The following GDPGP1 variants were observed in gnomAD, a reference collection of about 807,000 sequenced individuals.
GDPGP1 encodes the protein GDP-D-glucose phosphorylase 1, also known as GDP-D-glucose phosphorylase C15orf58.
Under a neutral mutation model 19.2 loss-of-function variants are expected in GDPGP1, and 18 were observed. That is an observed-to-expected ratio of 0.94 (90% CI 0.65 to 1.39). The LOEUF (loss-of-function observed/expected upper bound fraction) is 1.39. Ranked by LOEUF, GDPGP1 falls within the 40% of genes most tolerant of loss-of-function variation. The pLI, the probability that GDPGP1 is intolerant of heterozygous loss-of-function variation, is 0.00. For missense variants in GDPGP1, 449 were observed against 490.5 expected (o/e 0.92, Z 0.80); for synonymous variants, 219 against 208.9 (o/e 1.05, Z -0.42).
At position 90,241,704 on chromosome 15, in the gene GDPGP1, T is replaced by A; in HGVS notation, c.796T>A (p.Leu266Met). 1 of 1,614,246 alleles carries A rather than the reference T, an allele frequency of 6.2e-7. No individual in the cohort carries two copies. The highest frequency in any genetic ancestry group is 1.3e-5 in the African/African-American group (1 of 75,068). The change falls in exon 4 of 4, where the codon TTG becomes ATG. Residue 266 changes from leucine (L) to methionine (M), a missense_variant. Coordinates refer to ENST00000329600, the MANE Select transcript of GDPGP1 (RefSeq NM_001013657.3). ...TTACACTCGTGGGCCAGGGCCTGACTTGGAGTCCTTGATAAGCAGGGTATG... is the reference window on the plus strand; with the variant it reads ...TTACACTCGTGGGCCAGGGCCTGACATGGAGTCCTTGATAAGCAGGGTATG... ...LFYTRGPGPD[L>M]ESLISRVCRA...
At chr15:90,237,883 C>T (rs1362119760) in intron 2 of GDPGP1, among the ~76,000 whole-genome samples, 3 of 152,072 alleles carry the variant, frequency 2.0e-5, no homozygotes, top group Non-Finnish European at 4.4e-5. Flanking sequence ...GTCTGGGAGG[C>T]AGACATTGCA....
chr15:90,242,134 C>T lies in GDPGP1; in HGVS notation c.*68C>T. On this transcript the variant is annotated 3_prime_UTR_variant, in exon 4 of 4. Coordinates refer to ENST00000329600, the MANE Select transcript of GDPGP1 (RefSeq NM_001013657.3). ...GATAGGGTCTCACTCTGTCCCCAGG[C>T]TAGAGTGTAGTGGTATGATCCTGGC... 7.6e-7 allele frequency: 1 copy of T among 1,313,234 alleles called. No individual in the cohort carries two copies. Among genetic ancestry groups the T allele is most frequent in the Non-Finnish European group, 1.0e-6 (1 of 956,886 alleles). 81.3% of individuals were successfully genotyped at this position (1,313,234 alleles called of 1,614,324 possible). A position where few individuals can be genotyped will look rare whatever the true frequency, so the allele number is the denominator to read the frequency against.
Position 90,241,407 on chromosome 15 carries a change from G to A in GDPGP1, c.499G>A (p.Val167Met), listed in dbSNP as rs139186837. The change falls in exon 4 of 4, where the codon GTG becomes ATG. Residue 167 changes from valine (V) to methionine (M), a missense_variant. Coordinates refer to ENST00000329600, the MANE Select transcript of GDPGP1 (RefSeq NM_001013657.3). ...INVSPLEWGH[V>M]LLVPEPARQL... is the part of the protein sequence containing the mutation. ...CGTCAGCCCCCTGGAGTGGGGCCAC[G>A]TGCTGCTGGTGCCTGAGCCTGCCCG... is the stretch of plus-strand genomic sequence containing the variant. The A allele has an allele frequency of 1.1e-4, 173 of 1,613,666 alleles. 1 individual carries two copies. The East Asian group carries it at 1.6e-3, about 15-fold the overall frequency.
chr15:90,236,439 T>C (rs1041866863), intron 2 of GDPGP1, among the ~76,000 whole-genome samples: 4 of 152,256 alleles, frequency 2.6e-5, no homozygotes, highest in African/African-American at 7.2e-5. Context: ...GAACCCTTCA[T>C]GGAACAACCT....
intron 2 of GDPGP1, among the ~76,000 whole-genome samples, chr15:90,237,254 C>T (rs549731687): frequency 1.0e-4 from 15 of 149,668 alleles, no homozygotes; most frequent in Middle Eastern, 3.5e-3. Flanking sequence ...CCACCGTGCC[C>T]GGACTTTATT....
chr15:90,236,238 A>T (rs1962634642), intron 2 of GDPGP1: 1 of 152,094 alleles, frequency 6.6e-6, no homozygotes, highest in Non-Finnish European at 1.5e-5. Flanking sequence ...GGGTTTCTCC[A>T]TGTTGGTCAG....
rs751187028 is a variant in GDPGP1 at position 90,245,588 on chromosome 15, T to C, written c.*3522T>C. The C allele has an allele frequency of 3.3e-5, 5 of 152,204 alleles. No individual in the cohort carries two copies. The highest frequency in any genetic ancestry group is 1.2e-4 in the African/African-American group (5 of 41,464). 9.4% of individuals were successfully genotyped at this position (152,204 alleles called of 1,614,324 possible). ...TTAATACTTTTTGCAAGCTTTTGCA[T>C]GCATAAGCTCCAGTATCACACTTAA... On this transcript the variant is annotated 3_prime_UTR_variant, in exon 4 of 4. Transcript: ENST00000329600.
chr15:90,237,753 A>T (rs1226386345), intron 2 of GDPGP1, among the ~76,000 whole-genome samples: 1 of 150,954 alleles, frequency 6.6e-6, no homozygotes, highest in Admixed American at 6.6e-5. Context: ...CTCATTTTAA[A>T]TTTTTTCGCC....
intron 3 of GDPGP1, among the ~76,000 whole-genome samples, chr15:90,240,575 G>A (rs1350134908): frequency 1.3e-5 from 2 of 151,476 alleles, no homozygotes; most frequent in Non-Finnish European, 2.9e-5. Context: ...CACTTTGGGA[G>A]GCCAAGGCAA....
rs375372924 is a variant in GDPGP1 at position 90,241,213 on chromosome 15, G to C, written c.305G>C (p.Arg102Pro). The C allele has an allele frequency of 2.3e-5, 37 of 1,614,148 alleles. No homozygotes were observed. In the African/African-American group the frequency reaches 4.3e-4, roughly 19 times the overall value. The change falls in exon 4 of 4, where the codon CGT becomes CCT. Residue 102 changes from arginine to proline, a missense_variant. Transcript: ENST00000329600. ...TTCGTGGCTCAGCTGAATGTGGAGC[G>C]TGGTGTGCAGAGGAGGCCCCCGCAG... The part of the protein sequence containing the change: ...VGFVAQLNVE[R>P]GVQRRPPQTI...
rs1962734311 is a variant in GDPGP1 at position 90,240,755 on chromosome 15, G to A, written c.-9-145G>A. The A allele has an allele frequency of 5.0e-6, 3 of 601,126 alleles. No individual in the cohort carries two copies. In the Admixed American group the frequency reaches 9.3e-5, roughly 19 times the overall value. 37.2% of individuals were successfully genotyped at this position (601,126 alleles called of 1,614,324 possible). On this transcript the variant is annotated intron_variant, in intron 3 of 3. Transcript: ENST00000329600. ...TTGAACCCAGGAGGCGGAGGTTACA[G>A]TGAACCAAGATCACTGCCACTGCAC...
At chr15:90,236,934 C>T (rs778112070) in intron 2 of GDPGP1, among the ~76,000 whole-genome samples, 14 of 151,748 alleles carry the variant, frequency 9.2e-5, no homozygotes, top group South Asian at 2.1e-4. Flanking sequence ...GTGATAAAAC[C>T]GAGCTGCTGA....
chr15:90,242,000 G>GC lies in GDPGP1; in HGVS notation c.1097dup (p.Ser367IlefsTer36). The GC allele has an allele frequency of 6.2e-7, 1 of 1,614,140 alleles. No homozygotes were observed. The highest frequency in any genetic ancestry group is 8.5e-7 in the Non-Finnish European group (1 of 1,180,010). On this transcript the variant is annotated frameshift_variant, in exon 4 of 4. Coordinates refer to ENST00000329600, the MANE Select transcript of GDPGP1 (RefSeq NM_001013657.3). LOFTEE classifies it high-confidence loss of function. ...TGGCCCTCATTCAGGACTGTCGGCT[G>GC]CCCCCATCCCAGGCAGAAGACGTAC...
intron 2 of GDPGP1, among the ~76,000 whole-genome samples, chr15:90,237,202 A>T (rs1332540671): frequency 6.7e-6 from 1 of 149,080 alleles, no homozygotes; most frequent in Non-Finnish European, 1.5e-5. Context: ...CTCGTGATCC[A>T]CCCACCTTGG....
intron 3 of GDPGP1, 47 bp from the exon 4 acceptor site, chr15:90,240,853 G>C (rs1962737337): frequency 1.8e-6 from 2 of 1,134,124 alleles, no homozygotes; most frequent in Admixed American, 4.1e-5. Context: ...GACAATCTCT[G>C]GAGGTGGGTT....
Position 90,241,191 on chromosome 15 carries a change from G to C in GDPGP1, c.283G>C (p.Val95Leu). The C allele has an allele frequency of 6.2e-7, 1 of 1,614,138 alleles. No individual in the cohort carries two copies. Among genetic ancestry groups the C allele is most frequent in the Non-Finnish European group, 8.5e-7 (1 of 1,180,038 alleles). Residue 95 changes from valine to leucine, a missense_variant, in exon 4 of 4, where the codon GTG becomes CTG. Physicochemically the swap from Val to Leu is conservative, Grantham distance 32. Transcript: ENST00000329600. ...TQILPGAVGF[V>L]AQLNVERGVQ... ...AATCCTCCCTGGTGCTGTGGGTTTCGTGGCTCAGCTGAATGTGGAGCGTGG... is the reference window on the plus strand; with the variant it reads ...AATCCTCCCTGGTGCTGTGGGTTTCCTGGCTCAGCTGAATGTGGAGCGTGG...
intron 2 of GDPGP1, among the ~76,000 whole-genome samples, chr15:90,237,924 C>A (rs1205058013): frequency 1.3e-5 from 2 of 152,074 alleles, no homozygotes; most frequent in Non-Finnish European, 2.9e-5. Flanking sequence ...TACATTTGAT[C>A]ATCAAAATTA....
chr15:90,244,264 A>G lies in GDPGP1; in HGVS notation c.*2198A>G, dbSNP rs1467057707. 6.6e-6 allele frequency: 1 copy of G among 152,208 alleles called. No individual in the cohort carries two copies. Among genetic ancestry groups the G allele is most frequent in the Non-Finnish European group, 1.5e-5 (1 of 68,076 alleles). The allele number at this position is 152,208 out of a possible 1,614,324, so 9.4% of individuals were successfully genotyped here. On this transcript the variant is annotated 3_prime_UTR_variant, in exon 4 of 4. Coordinates refer to ENST00000329600, the MANE Select transcript of GDPGP1 (RefSeq NM_001013657.3). ...AGTTTGCCCTCCCTGAGCCTCAGCC[A>G]TCCCTCTTGGGGTCTTTCCCAAGCA...
At chr15:90,239,777 C>T (rs964087049) in intron 3 of GDPGP1, among the ~76,000 whole-genome samples, 6 of 152,140 alleles carry the variant, frequency 3.9e-5, no homozygotes, top group Admixed American at 1.3e-4. Context: ...GGTGCGATCT[C>T]GGCAGTGCCT....
Sources: gnomAD v4.1 joint callset for allele counts (sites outside exome capture counted in the v4.1 genomes callset) on GRCh38, gnomAD v4.1.1 for gene constraint, MANE v1.5 for transcripts, NCBI Gene and HGNC (gene_info 2026-07-23, HGNC 2026-07-21) for gene names.